The following DPYSL3 variants were observed in gnomAD, a reference collection of about 807,000 sequenced individuals.
DPYSL3 encodes dihydropyrimidinase-related protein 3.
A neutral mutation model predicts 66.1 loss-of-function variants in DPYSL3; 16 were observed. The ratio of observed to expected loss-of-function variants is 0.24; its 90% CI spans 0.16 to 0.37. DPYSL3 has a LOEUF of 0.37. DPYSL3 is among the 10% of genes least tolerant of loss of function. The probability of loss-of-function intolerance (pLI) is 1.00; values close to 1 mark genes in which losing one functional copy is unlikely to be tolerated. For missense variants in DPYSL3, 738 were observed against 916.2 expected, an observed-to-expected ratio of 0.81 and a Z score of 2.51; for synonymous variants, 338 against 345.1, an observed-to-expected ratio of 0.98 and a Z score of 0.23.
At chr5:147,428,743 T>TGTTCTCACTTATAAGTGGGAGCTGA (rs377102487) in intron 1 of DPYSL3, among the ~76,000 whole-genome samples, 11,804 of 151,064 alleles carry the variant, frequency 0.078, 1,246 homozygotes, top group African/African-American at 0.24. Context: ...AAACACTACA[T>TGTTCTCACTTATAAGTGGGAGCTGA]ACAATGAGAA....
At chr5:147,421,642 G>A (rs1752080443) in intron 2 of DPYSL3, among the ~76,000 whole-genome samples, 1 of 152,120 alleles carries the variant, frequency 6.6e-6, no homozygotes, top group South Asian at 2.1e-4. Context: ...AAACAGCATG[G>A]TACTGGTAGC....
intron 1 of DPYSL3, among the ~76,000 whole-genome samples, chr5:147,492,555 T>C (rs1231446762): frequency 6.6e-6 from 1 of 152,150 alleles, no homozygotes; most frequent in Non-Finnish European, 1.5e-5. Context: ...ATATTATCAT[T>C]ATAAAGTACT....
chr5:147,395,278 C>T (rs1262498757), intron 13 of DPYSL3, among the ~76,000 whole-genome samples: 1 of 152,200 alleles, frequency 6.6e-6, no homozygotes, highest in African/African-American at 2.4e-5. Flanking sequence ...AGGGGACCAG[C>T]TCCCCGACCC....
At chr5:147,503,765 C>A (rs1247030149) in intron 1 of DPYSL3, among the ~76,000 whole-genome samples, 2 of 152,116 alleles carry the variant, frequency 1.3e-5, no homozygotes, top group African/African-American at 4.8e-5. Flanking sequence ...TTTGGTCTAG[C>A]CCATTTGTTT....
At chr5:147,418,907 A>C (rs1248711339) in intron 2 of DPYSL3, among the ~76,000 whole-genome samples, 4 of 152,198 alleles carry the variant, frequency 2.6e-5, no homozygotes, top group Non-Finnish European at 5.9e-5. Context: ...AGTGTCTAGA[A>C]TATAGTGTGT....
intron 8 of DPYSL3, among the ~76,000 whole-genome samples, chr5:147,403,319 CAG>C (rs1019133451): frequency 2.0e-5 from 3 of 152,116 alleles, no homozygotes; most frequent in Non-Finnish European, 4.4e-5. Flanking sequence ...ATGAAAGTCA[CAG>C]CAAGCACTCA....
chr5:147,490,067 C>A (rs1172797775), intron 1 of DPYSL3, among the ~76,000 whole-genome samples: 1 of 152,114 alleles, frequency 6.6e-6, no homozygotes, highest in Non-Finnish European at 1.5e-5. Flanking sequence ...CCCCTGCACC[C>A]CATCTACTGA....
intron 2 of DPYSL3, among the ~76,000 whole-genome samples, chr5:147,421,398 T>C (rs913409111): frequency 6.6e-6 from 1 of 152,158 alleles, no homozygotes; most frequent in Middle Eastern, 3.2e-3. Flanking sequence ...TGCTCACAGA[T>C]AGGAAGAATC....
chr5:147,443,719 A>T (rs1162408509), intron 1 of DPYSL3, among the ~76,000 whole-genome samples: 2 of 152,130 alleles, frequency 1.3e-5, no homozygotes, highest in Non-Finnish European at 2.9e-5. Context: ...ATTTAAGAGA[A>T]TGGGGCATGC....
chr5:147,415,943 C>T, intron 3 of DPYSL3, 70 bp from the exon 4 acceptor site: 1 of 1,533,266 alleles, frequency 6.5e-7, no homozygotes, highest in Non-Finnish European at 8.8e-7. Context: ...CAGGCCTGCT[C>T]CTGCTTGCTT....
chr5:147,406,926 C>A (rs1758338477), intron 7 of DPYSL3, among the ~76,000 whole-genome samples: 1 of 152,168 alleles, frequency 6.6e-6, no homozygotes, highest in Non-Finnish European at 1.5e-5. Flanking sequence ...GAGCTGGCCT[C>A]CCCCAAGCTG....
chr5:147,453,739 C>A (rs1752790625), intron 1 of DPYSL3: 1 of 1,312,438 alleles, frequency 7.6e-7, no homozygotes, highest in Non-Finnish European at 9.7e-7. Context: ...GCCCCCCTCC[C>A]GGGCTCCCGC....
intron 1 of DPYSL3, among the ~76,000 whole-genome samples, chr5:147,475,476 T>C (rs1753143662): frequency 6.6e-6 from 1 of 152,134 alleles, no homozygotes; most frequent in Admixed American, 6.5e-5. Flanking sequence ...AATGCTGGCA[T>C]CTATATGGTT....
intron 4 of DPYSL3, 80 bp downstream of exon 4, chr5:147,415,629 G>T: frequency 6.5e-7 from 1 of 1,526,930 alleles, no homozygotes; most frequent in South Asian, 1.3e-5. Flanking sequence ...AAAAGACAGT[G>T]ACTGAAATGA....
At chr5:147,472,044 AC>A (rs1753094455) in intron 1 of DPYSL3, among the ~76,000 whole-genome samples, 1 of 151,976 alleles carries the variant, frequency 6.6e-6, no homozygotes, top group Non-Finnish European at 1.5e-5. Context: ...ATAGCAATCA[AC>A]CTCCTCCATC....
rs766199489 is a variant in DPYSL3, at chr5:147,418,492, A to G, written c.610T>C (p.Phe204Leu). 7 of 1,613,286 alleles carry G rather than the reference A, an allele frequency of 4.3e-6. No homozygotes were observed. Among genetic ancestry groups the G allele is most frequent in the Non-Finnish European group, 5.9e-6 (7 of 1,179,534 alleles). Residue 204 changes from phenylalanine (F) to leucine (L), a missense_variant, in exon 3 of 14, where the codon TTC becomes CTC. Physicochemically the swap from Phe to Leu is conservative, Grantham distance 22. Transcript: ENST00000343218. ...YKGMTTVDDF[F>L]QGTKAALAGG... ...GCTAAGGCCGCCTTTGTCCCTTGGAAGAAGTCATCTACTGTGGTCATTCCC... is the reference window on the plus strand; with the variant it reads ...GCTAAGGCCGCCTTTGTCCCTTGGAGGAAGTCATCTACTGTGGTCATTCCC...
chr5:147,420,190 G>A (rs768341343), intron 2 of DPYSL3, among the ~76,000 whole-genome samples: 2 of 152,144 alleles, frequency 1.3e-5, no homozygotes, highest in Non-Finnish European at 2.9e-5. Context: ...GCTACTAGCT[G>A]TATAACCTTG....
chr5:147,508,082 T>C (rs1753706590), intron 1 of DPYSL3, among the ~76,000 whole-genome samples: 1 of 152,178 alleles, frequency 6.6e-6, no homozygotes, highest in Non-Finnish European at 1.5e-5. Flanking sequence ...ATATCAGAAG[T>C]TTTCCCTAAA....
intron 1 of DPYSL3, among the ~76,000 whole-genome samples, chr5:147,451,445 T>C (rs1752726794): frequency 6.6e-6 from 1 of 152,190 alleles, no homozygotes; most frequent in Non-Finnish European, 1.5e-5. Context: ...CAAAAGGGAA[T>C]CCACTGCAAA....
Sources: allele counts gnomAD v4.1 joint callset (sites outside exome capture counted in the v4.1 genomes callset), GRCh38; gene constraint gnomAD v4.1.1; transcripts MANE v1.5; gene names NCBI Gene and HGNC (gene_info 2026-07-23, HGNC 2026-07-21).